The following BEST1 variants were observed in gnomAD, a reference collection of about 807,000 sequenced individuals.
BEST1 encodes bestrophin-1.
A neutral mutation model predicts 63.3 loss-of-function variants in BEST1; 58 were observed. The ratio of observed to expected loss-of-function variants is 0.92; its 90% confidence interval spans 0.74 to 1.14. BEST1 has a LOEUF of 1.14. Among genes scored for constraint, BEST1 ranks in the 50% most tolerant of loss-of-function variants. The probability of loss-of-function intolerance (pLI) is 0.00; values close to 1 mark genes in which losing one functional copy is unlikely to be tolerated. For synonymous variants in BEST1, 283 were observed against 291.6 expected (o/e 0.97, Z 0.30); for missense variants, 671 against 740.1 (o/e 0.91, Z 1.08).
chr11:61,950,700 C>T (rs532615519), intron 1 of BEST1, among the ~76,000 whole-genome samples: 22 of 152,200 alleles, frequency 1.4e-4, no homozygotes, highest in African/African-American at 4.8e-4. Flanking sequence ...GCGCCTTCTA[C>T]GAGAACACAA....
Position 61,962,370 on chromosome 11 carries a change from G to A in BEST1, c.1216G>A (p.Ala406Thr), listed in dbSNP as rs1393863529. 1 of 1,614,016 alleles carries A rather than the reference G, an allele frequency of 6.2e-7. No homozygotes were observed. Among genetic ancestry groups the A allele is most frequent in the Non-Finnish European group, 8.5e-7 (1 of 1,180,000 alleles). Reference sequence around the variant, plus strand: ...GTCCCATGATCACCATCCTCCCAGGGCAAACTCAAGGACCAAACTACTGTG... The same window carrying A: ...GTCCCATGATCACCATCCTCCCAGGACAAACTCAAGGACCAAACTACTGTG... ...LQSHDHHPPR[A>T]NSRTKLLWPK... The change falls in exon 10 of 11, where the codon GCA (alanine) becomes ACA (threonine). Residue 406 changes from alanine to threonine, a missense_variant. Physicochemically the swap from Ala to Thr is moderately conservative, Grantham distance 58. Transcript: ENST00000378043.
Position 61,963,859 on chromosome 11 carries a change from GC to G in BEST1, c.1740-244del, listed in dbSNP as rs1402926590. The G allele has an allele frequency of 5.0e-6, 6 of 1,201,300 alleles. No individual in the cohort carries two copies. The African/African-American group carries it at 7.5e-5, about 15-fold the overall frequency. The allele number at this position is 1,201,300 out of a possible 1,614,324, so 74.4% of individuals were successfully genotyped here. A position where few individuals can be genotyped will look rare whatever the true frequency, so the allele number is the denominator to read the frequency against. Reference sequence around the variant, plus strand: ...TCTCTACCAAAAAAAATACAAATCAGCTGGGCGTCGTGGTGTGCCTGTAGTC... The same window carrying G: ...TCTCTACCAAAAAAAATACAAATCAGTGGGCGTCGTGGTGTGCCTGTAGTC... On this transcript the variant is annotated intron_variant, in intron 10 of 10. Coordinates refer to ENST00000378043, the MANE Select transcript of BEST1 (RefSeq NM_004183.4).
Position 61,962,873 on chromosome 11 carries a change from T to C in BEST1, c.1719T>C (p.Pro573=). 1 of 1,614,146 alleles carries C rather than the reference T, an allele frequency of 6.2e-7. No individual in the cohort carries two copies. Among genetic ancestry groups the C allele is most frequent in the Non-Finnish European group, 8.5e-7 (1 of 1,180,026 alleles). Residue 573 remains proline (P), a synonymous_variant, in exon 10 of 11, where the codon CCT becomes CCC. Coordinates refer to ENST00000378043, the MANE Select transcript of BEST1 (RefSeq NM_004183.4). ...IHTTLKDHMD[P]YWALENRDEA... ...CTACACTCAAAGATCACATGGATCC[T>C]TATTGGGCCTTGGAAAACAGGTCTG...
chr11:61,959,343 T>TG (rs1229553406), intron 7 of BEST1, 155 bp from the exon 8 acceptor site: 4 of 728,096 alleles, frequency 5.5e-6, no homozygotes, highest in Admixed American at 2.0e-5. Context: ...CCCACAAGTG[T>TG]GGGGGGCTGG....
intron 2 of BEST1, among the ~76,000 whole-genome samples, chr11:61,953,092 C>T (rs1940884856): frequency 6.6e-6 from 1 of 152,130 alleles, no homozygotes; most frequent in South Asian, 2.1e-4. Context: ...GACAGGCTAT[C>T]TCAAAAGCAA....
chr11:61,965,190 T>G (rs1317204391), downstream of BEST1: 11 of 1,600,038 alleles, frequency 6.9e-6, no homozygotes, highest in East Asian at 2.5e-4. Flanking sequence ...CCACCACGTT[T>G]TGGCAAAAGG....
chr11:61,959,067 C>T lies in BEST1; in HGVS notation c.868-431C>T, dbSNP rs556000733. 3.1e-5 allele frequency: 9 copies of T among 289,480 alleles called. No homozygotes were observed. In the East Asian group the frequency reaches 3.4e-4, roughly 11 times the overall value. 17.9% of individuals were successfully genotyped at this position (289,480 alleles called of 1,614,324 possible). On this transcript the variant is annotated intron_variant, in intron 7 of 10. Coordinates refer to ENST00000378043, the MANE Select transcript of BEST1 (RefSeq NM_004183.4). Reference sequence around the variant, plus strand: ...GTCCCCTGGACCCCTAAGGCAGACGCGTGTCACCTCTTCGGGGCTTTGTTA... The same window carrying T: ...GTCCCCTGGACCCCTAAGGCAGACGTGTGTCACCTCTTCGGGGCTTTGTTA...
intron 7 of BEST1, chr11:61,959,022 GC>G (rs573916228): frequency 3.2e-4 from 80 of 253,664 alleles, no homozygotes; most frequent in African/African-American, 1.5e-3. Context: ...TCTCCGGGGT[GC>G]CCCAGTGGCC....
chr11:61,956,813 C>T (rs373392248), intron 4 of BEST1, 31 bp from the exon 5 acceptor site: 1 of 1,613,606 alleles, frequency 6.2e-7, no homozygotes, highest in Non-Finnish European at 8.5e-7. Flanking sequence ...CAGGTTCTCC[C>T]ACCCACCGCC....
At chr11:61,951,991 G>A (rs1565382789) in intron 2 of BEST1, 33 bp downstream of exon 2, 1 of 1,610,684 alleles carries the variant, frequency 6.2e-7, no homozygotes, top group Non-Finnish European at 8.5e-7. Context: ...GGGGGGCCTG[G>A]GAAGGATGTG....
chr11:61,957,289 A>G (rs1941475227), intron 5 of BEST1, 98 bp from the exon 6 acceptor site: 2 of 1,167,600 alleles, frequency 1.7e-6, no homozygotes, highest in Non-Finnish European at 1.3e-6. Context: ...GGAATGGACC[A>G]TAGGTACCAG....
At chr11:61,964,688 G>C (rs775515361), downstream of BEST1, 2 of 1,591,834 alleles carry the variant, frequency 1.3e-6, no homozygotes, top group East Asian at 2.2e-5. Context: ...TGGTGACCAG[G>C]GAAGTCACCC....
intron 3 of BEST1, 135 bp downstream of exon 3, chr11:61,955,336 T>C: frequency 6.5e-7 from 1 of 1,538,690 alleles, no homozygotes; most frequent in Non-Finnish European, 8.7e-7. Flanking sequence ...TCGGCGCCTC[T>C]CTGTAGGGAA....
chr11:61,960,704 T>G (rs1432178530), intron 9 of BEST1: 2 of 154,406 alleles, frequency 1.3e-5, no homozygotes, highest in Admixed American at 1.3e-4. Context: ...GGAAGTGGGG[T>G]TCCCTGGGAT....
downstream of BEST1, chr11:61,965,432 A>G (rs762631821): frequency 3.7e-6 from 6 of 1,613,320 alleles, no homozygotes; most frequent in Non-Finnish European, 4.2e-6. Context: ...GTTTCTCAGC[A>G]TGTTCCCTCT....
chr11:61,959,886 G>A lies in BEST1; in HGVS notation c.949-6G>A, dbSNP rs753718224. 3 of 1,613,730 alleles carry A rather than the reference G, an allele frequency of 1.9e-6. No homozygotes were observed. Among genetic ancestry groups the A allele is most frequent in the Non-Finnish European group, 2.5e-6 (3 of 1,179,850 alleles). ...CTGTGGGACTTCTTCTGTCCCTGGTGACCAGGTGTCCCTGTTGGCTGTGGA... is the reference window on the plus strand; with the variant it reads ...CTGTGGGACTTCTTCTGTCCCTGGTAACCAGGTGTCCCTGTTGGCTGTGGA... On this transcript the variant is annotated splice_region_variant and splice_polypyrimidine_tract_variant and intron_variant, in intron 8 of 10. Transcript: ENST00000378043.
intron 3 of BEST1, 81 bp downstream of exon 3, chr11:61,955,282 G>A: frequency 6.2e-7 from 1 of 1,607,632 alleles, no homozygotes; most frequent in Non-Finnish European, 8.5e-7. Context: ...ACGAGGAGCT[G>A]CGGCAAGGGG....
At chr11:61,957,749 G>C (rs1420065147) in intron 6 of BEST1, among the ~76,000 whole-genome samples, 1 of 152,226 alleles carries the variant, frequency 6.6e-6, no homozygotes, top group Non-Finnish European at 1.5e-5. Context: ...AGCTGAGGCA[G>C]GTGGATCACC....
intron 10 of BEST1, chr11:61,963,562 C>T: frequency 9.7e-7 from 1 of 1,028,194 alleles, no homozygotes; most frequent in South Asian, 3.8e-5. Context: ...ACTTCAGCCC[C>T]AATCACGTGG....
Sources: allele counts gnomAD v4.1 joint callset (sites outside exome capture counted in the v4.1 genomes callset), GRCh38; gene constraint gnomAD v4.1.1; transcripts MANE v1.5; gene names NCBI Gene and HGNC (gene_info 2026-07-23, HGNC 2026-07-21).